The following LPP variants were observed in gnomAD, a reference collection of about 807,000 sequenced individuals.
LPP encodes the protein LIM domain containing preferred translocation partner in lipoma, also known as lipoma-preferred partner.
In LPP, 38 loss-of-function variants were observed where a neutral mutation model predicts 60.4. The ratio of observed to expected loss-of-function variants is 0.63; its 90% CI spans 0.49 to 0.83. The LOEUF is 0.83. Ranked by LOEUF, LPP falls within the 40% of genes least tolerant of loss-of-function variation. The pLI is 0.00. For missense variants in LPP, 902 were observed against 783.6 expected (o/e 1.15, Z -1.80); for synonymous variants, 328 against 290.8 (o/e 1.13, Z -1.30).
At chr3:188,782,607 G>A (rs913350264) in intron 9 of LPP, among the ~76,000 whole-genome samples, 1 of 151,996 alleles carries the variant, frequency 6.6e-6, no homozygotes, top group South Asian at 2.1e-4. Flanking sequence ...GTCATGTCAT[G>A]CCTTCTCTGT....
At chr3:188,166,441 G>T (rs1338209764) in intron 1 of LPP, among the ~76,000 whole-genome samples, 1 of 152,290 alleles carries the variant, frequency 6.6e-6, no homozygotes, top group Middle Eastern at 3.4e-3. Flanking sequence ...CAGGATCCTG[G>T]TCAAAATGGA....
chr3:188,888,042 G>A lies in LPP; in HGVS notation c.*13563G>A, dbSNP rs1325031586. ...GTATAAAATTATCATGTGGCTTAAT[G>A]TGCCTTAAGTGAAAATTTAAACTTA... On this transcript the variant is annotated 3_prime_UTR_variant, in exon 12 of 12. Transcript: ENST00000617246. The A allele has an allele frequency of 9.2e-6, 2 of 216,262 alleles. No homozygotes were observed. Among genetic ancestry groups the A allele is most frequent in the Admixed American group, 1.2e-4 (2 of 17,170 alleles). 13.4% of individuals were successfully genotyped at this position (216,262 alleles called of 1,614,324 possible).
chr3:188,764,763 T>C lies in LPP; in HGVS notation c.1410+4481T>C, dbSNP rs529129580. Among the ~76,000 whole-genome samples the C allele has an allele frequency of 7.2e-5, 11 of 152,306 alleles. No individual in the cohort carries two copies. In the East Asian group the frequency reaches 1.5e-3, roughly 21 times the overall value. On this transcript the variant is annotated intron_variant, in intron 9 of 11. Transcript: ENST00000617246. ...ATCAGAAATTCTCAGCAAAAGTCTA[T>C]TTATGAAGTGGCAGCCAAGGATCCT...
At chr3:188,208,619 T>G (rs1179625843) in intron 1 of LPP, among the ~76,000 whole-genome samples, 1 of 152,230 alleles carries the variant, frequency 6.6e-6, no homozygotes, top group Non-Finnish European at 1.5e-5. Context: ...AGGCCACGTT[T>G]CCGGAACTGA....
chr3:188,821,935 T>C (rs530215467), intron 9 of LPP, among the ~76,000 whole-genome samples: 1 of 152,264 alleles, frequency 6.6e-6, no homozygotes, highest in East Asian at 1.9e-4. Context: ...TATGATCTAT[T>C]GATTTATTTC....
At chr3:188,772,332 C>T (rs1407455434) in intron 9 of LPP, among the ~76,000 whole-genome samples, 29 of 152,100 alleles carry the variant, frequency 1.9e-4, no homozygotes, top group Admixed American at 1.9e-3. Context: ...CTAGATGTAA[C>T]CATTTCTGAA....
At chr3:188,664,925 A>C (rs1033562842) in intron 7 of LPP, among the ~76,000 whole-genome samples, 6 of 152,134 alleles carry the variant, frequency 3.9e-5, no homozygotes, top group African/African-American at 1.4e-4. Context: ...TGGCCTGTAC[A>C]TGGCAGGACC....
At chr3:188,647,717 A>T (rs950288737) in intron 7 of LPP, among the ~76,000 whole-genome samples, 25 of 152,188 alleles carry the variant, frequency 1.6e-4, no homozygotes, top group Admixed American at 1.6e-3. Context: ...ACCTGAGCTT[A>T]CCTCAAACAC....
At chr3:188,191,582 A>G (rs1162060417) in intron 1 of LPP, among the ~76,000 whole-genome samples, 2 of 152,146 alleles carry the variant, frequency 1.3e-5, no homozygotes, top group Non-Finnish European at 2.9e-5. Context: ...ACTGGAATCA[A>G]ATTCAGTCTG....
chr3:188,814,118 GAC>G (rs906925332), intron 9 of LPP, among the ~76,000 whole-genome samples: 12 of 151,316 alleles, frequency 7.9e-5, no homozygotes, highest in Non-Finnish European at 8.9e-5. Context: ...CACACATACA[GAC>G]ACACACACAC....
intron 6 of LPP, chr3:188,584,545 TCGTGTGTGTGTGTGTGTG>T (rs1205221297): frequency 8.4e-6 from 1 of 118,754 alleles, no homozygotes; most frequent in Non-Finnish European, 1.8e-5. Context: ...TTAATTTTAG[TCGTGTGTGTGTGTGTGTG>T]TGTGTGTGTG....
At chr3:188,448,680 C>T (rs1390320656) in intron 4 of LPP, among the ~76,000 whole-genome samples, 2 of 152,032 alleles carry the variant, frequency 1.3e-5, no homozygotes, top group Non-Finnish European at 2.9e-5. Flanking sequence ...ATTTGTGTGG[C>T]CTGTGCTATA....
chr3:188,414,836 A>G (rs916112494), intron 4 of LPP, among the ~76,000 whole-genome samples: 1 of 152,114 alleles, frequency 6.6e-6, no homozygotes, highest in African/African-American at 2.4e-5. Context: ...TAAGTGGGGA[A>G]GCCAAGCCAT....
Position 188,556,618 on chromosome 3 carries a change from A to AT in LPP, c.429+31839dup, listed in dbSNP as rs556240321. On this transcript the variant is annotated intron_variant, in intron 6 of 11. Coordinates refer to ENST00000617246, the MANE Select transcript of LPP (RefSeq NM_001375462.1). Reference sequence around the variant, plus strand: ...TCTGCCTTTTTGTTTTTTTGGTTTGATTTTTTTTCAGTTTTTTTAATCATT... The same window carrying AT: ...TCTGCCTTTTTGTTTTTTTGGTTTGATTTTTTTTTCAGTTTTTTTAATCATT... 9.8e-4 allele frequency among the ~76,000 whole-genome samples: 147 copies of AT among 150,766 alleles called. 6 individuals carry two copies. The South Asian group carries it at 0.027, about 28-fold the overall frequency.
chr3:188,355,057 A>G (rs1386139596), intron 3 of LPP, among the ~76,000 whole-genome samples: 1 of 152,020 alleles, frequency 6.6e-6, no homozygotes, highest in African/African-American at 2.4e-5. Context: ...TCACTAGGCT[A>G]GAGTGCAGTG....
intron 9 of LPP, among the ~76,000 whole-genome samples, chr3:188,813,451 G>A (rs1489171940): frequency 6.6e-6 from 1 of 152,072 alleles, no homozygotes; most frequent in African/African-American, 2.4e-5. Flanking sequence ...ATAAAAGTAG[G>A]TTATCATAAA....
At chr3:188,541,724 C>G (rs1579790599) in intron 6 of LPP, among the ~76,000 whole-genome samples, 2 of 151,998 alleles carry the variant, frequency 1.3e-5, no homozygotes, top group Non-Finnish European at 2.9e-5. Context: ...TGTTGAAATT[C>G]TCTTTCTAAT....
At chr3:188,339,752 GT>G (rs1285068025) in intron 2 of LPP, among the ~76,000 whole-genome samples, 2 of 152,160 alleles carry the variant, frequency 1.3e-5, no homozygotes, top group Non-Finnish European at 2.9e-5. Context: ...CATTTTCGGT[GT>G]GGACACAGTC....
At chr3:188,400,877 A>C (rs890058962) in intron 3 of LPP, among the ~76,000 whole-genome samples, 7 of 152,210 alleles carry the variant, frequency 4.6e-5, no homozygotes, top group African/African-American at 1.7e-4. Context: ...TTGTGTTTAC[A>C]TGGGTCTCTC....
Sources: gnomAD v4.1 joint callset for allele counts (sites outside exome capture counted in the v4.1 genomes callset) on GRCh38, gnomAD v4.1.1 for gene constraint, MANE v1.5 for transcripts, NCBI Gene and HGNC (gene_info 2026-07-23, HGNC 2026-07-21) for gene names.